SSH2: variants seen among roughly 807,000 people sequenced by gnomAD.
The protein encoded by SSH2 is protein phosphatase Slingshot homolog 2.
Under a neutral mutation model 135.2 loss-of-function variants are expected in SSH2, and 37 were observed. That is an observed-to-expected ratio of 0.27 (90% CI 0.21 to 0.36). The LOEUF is 0.36. SSH2 is among the 10% of genes least tolerant of loss of function. SSH2 has a pLI of 1.00. For synonymous variants in SSH2, 628 were observed against 646.2 expected (o/e 0.97, Z 0.43); for missense variants, 1,408 against 1,765.3 (o/e 0.80, Z 3.63).
intron 1 of SSH2, among the ~76,000 whole-genome samples, chr17:29,852,051 G>A (rs1353085112): frequency 1.3e-5 from 2 of 152,124 alleles, no homozygotes; most frequent in Non-Finnish European, 2.9e-5. Context: ...GGAGGCCAAG[G>A]TGGGTGGACC....
At chr17:29,785,928 C>A (rs988572644) in intron 3 of SSH2, among the ~76,000 whole-genome samples, 15 of 152,024 alleles carry the variant, frequency 9.9e-5, no homozygotes, top group East Asian at 5.8e-4. Context: ...CCTCAGCCTC[C>A]CCAGTAGCTG....
chr17:29,865,803 C>T (rs1378360106), intron 1 of SSH2, among the ~76,000 whole-genome samples: 1 of 152,064 alleles, frequency 6.6e-6, no homozygotes, highest in Non-Finnish European at 1.5e-5. Context: ...TTACAAATAT[C>T]AGAAATGAGG....
intron 14 of SSH2, among the ~76,000 whole-genome samples, 164 bp from the exon 15 acceptor site, chr17:29,636,966 A>C (rs1230287134): frequency 1.3e-5 from 2 of 152,200 alleles, no homozygotes; most frequent in African/African-American, 4.8e-5. Flanking sequence ...ATAGCAAAAA[A>C]CAAAGCAAAA....
chr17:29,631,381 G>T lies in SSH2; in HGVS notation c.3813C>A (p.Phe1271Leu). ...GGGATGGTTTGGTGAGCCCTGCCTG[G>T]AAAACCACTCGAGACTCGATTTCTT... is the stretch of plus-strand genomic sequence containing the variant. ...RAKEIESRVV[F>L]QAGLTKPSQM... The change falls in exon 16 of 16, where the codon TTC becomes TTA. Residue 1271 changes from phenylalanine to leucine, a missense_variant. Physicochemically the swap from Phe to Leu is conservative, Grantham distance 22. This residue lies in a region of SSH2 where 1,080 missense variants were observed against 1,144.5 expected (regional missense o/e 0.94). Transcript: ENST00000540801. 1 of 1,614,090 alleles carries T rather than the reference G, an allele frequency of 6.2e-7. No individual in the cohort carries two copies. Among genetic ancestry groups the T allele is most frequent in the Non-Finnish European group, 8.5e-7 (1 of 1,180,016 alleles).
intron 8 of SSH2, among the ~76,000 whole-genome samples, chr17:29,673,357 GTCAGGAGATCGAGA>G (rs1055806015): frequency 1.4e-4 from 21 of 152,124 alleles, no homozygotes; most frequent in African/African-American, 5.1e-4. Context: ...ATCACTTGAG[GTCAGGAGATCGAGA>G]TCAGCCTAAC....
intron 14 of SSH2, among the ~76,000 whole-genome samples, chr17:29,638,763 C>T (rs1394308742): frequency 2.0e-5 from 3 of 151,736 alleles, no homozygotes; most frequent in African/African-American, 7.3e-5. Context: ...ACTATGTTGC[C>T]CAGGCTGGTC....
intron 3 of SSH2, chr17:29,761,440 G>C (rs955264323): frequency 2.0e-6 from 2 of 1,002,686 alleles, no homozygotes; most frequent in Non-Finnish European, 2.4e-6. Flanking sequence ...ACTGACGGGC[G>C]TCGCCAGCAG....
chr17:29,721,205 G>T (rs2039812348), intron 3 of SSH2, among the ~76,000 whole-genome samples: 1 of 152,196 alleles, frequency 6.6e-6, no homozygotes, highest in South Asian at 2.1e-4. Flanking sequence ...TTTAGAAAAA[G>T]AGGAAAATAA....
intron 3 of SSH2, among the ~76,000 whole-genome samples, chr17:29,786,051 G>A (rs2041957575): frequency 1.3e-5 from 2 of 151,526 alleles, no homozygotes; most frequent in South Asian, 2.1e-4. Flanking sequence ...TGATCCACCC[G>A]CCTCGGCCTC....
chr17:29,800,936 G>A (rs1305786955), intron 2 of SSH2, among the ~76,000 whole-genome samples: 2 of 151,268 alleles, frequency 1.3e-5, no homozygotes, highest in Non-Finnish European at 2.9e-5. Flanking sequence ...TGCGATCTCG[G>A]CTCACTGCAC....
chr17:29,753,716 C>T (rs183282936), intron 3 of SSH2, among the ~76,000 whole-genome samples: 3 of 150,842 alleles, frequency 2.0e-5, no homozygotes, highest in African/African-American at 4.9e-5. Flanking sequence ...TTGCTTGAAC[C>T]TGGGAGGCAG....
At chr17:29,877,910 C>T (rs899605256) in intron 1 of SSH2, among the ~76,000 whole-genome samples, 17 of 152,144 alleles carry the variant, frequency 1.1e-4, no homozygotes, top group African/African-American at 4.1e-4. Context: ...TATTAAGACC[C>T]TGTCTCTACA....
intron 3 of SSH2, among the ~76,000 whole-genome samples, chr17:29,750,706 C>T (rs752925983): frequency 2.4e-4 from 37 of 151,214 alleles, no homozygotes; most frequent in Non-Finnish European, 1.5e-4. Flanking sequence ...ATTCCATAAG[C>T]TTTTCTATTT....
intron 3 of SSH2, among the ~76,000 whole-genome samples, chr17:29,789,944 G>C (rs541017235): frequency 6.2e-4 from 94 of 152,198 alleles, no homozygotes; most frequent in African/African-American, 2.1e-3. Context: ...TAATTTACCT[G>C]GTTTCACAGG....
At chr17:29,750,291 T>G (rs1202322219) in intron 3 of SSH2, among the ~76,000 whole-genome samples, 1 of 150,422 alleles carries the variant, frequency 6.6e-6, no homozygotes, top group Non-Finnish European at 1.5e-5. Flanking sequence ...ATATACAAAT[T>G]AGCCAGGCGT....
chr17:29,812,192 A>T (rs2042455532), intron 2 of SSH2, among the ~76,000 whole-genome samples: 1 of 151,128 alleles, frequency 6.6e-6, no homozygotes, highest in Non-Finnish European at 1.5e-5. Flanking sequence ...TCTTATTGAG[A>T]AATAATTCAT....
intron 3 of SSH2, among the ~76,000 whole-genome samples, chr17:29,720,226 GAAC>G (rs1243215359): frequency 1.3e-5 from 2 of 152,138 alleles, no homozygotes; most frequent in African/African-American, 4.8e-5. Flanking sequence ...TCAAATACTA[GAAC>G]ACCAAGGAAT....
chr17:29,794,704 A>T (rs1185984465), intron 2 of SSH2, among the ~76,000 whole-genome samples: 1 of 152,234 alleles, frequency 6.6e-6, no homozygotes, highest in African/African-American at 2.4e-5. Flanking sequence ...ATGTCAATTT[A>T]GACTCAATGA....
intron 1 of SSH2, among the ~76,000 whole-genome samples, chr17:29,913,734 A>G (rs1378610128): frequency 1.3e-5 from 2 of 151,692 alleles, no homozygotes; most frequent in Non-Finnish European, 2.9e-5. Context: ...TCCTGGGTTC[A>G]AGTGATTCTC....
Sources: gnomAD v4.1 joint callset for allele counts (sites outside exome capture counted in the v4.1 genomes callset) on GRCh38, gnomAD v4.1.1 for gene constraint, gnomAD v4.1.1 regional missense constraint, MANE v1.5 for transcripts, NCBI Gene and HGNC (gene_info 2026-07-23, HGNC 2026-07-21) for gene names.